The following TENM4 variants were observed in gnomAD, a reference collection of about 807,000 sequenced individuals.
TENM4 encodes the protein teneurin-4.
In TENM4, 82 loss-of-function variants were observed where a neutral mutation model predicts 243.3. The observed-to-expected ratio is 0.34, with a 90% CI of 0.28 to 0.40. TENM4 has a LOEUF of 0.40. Ranked by LOEUF, TENM4 falls within the 10% of genes least tolerant of loss-of-function variation. The probability of loss-of-function intolerance (pLI) is 1.00; values close to 1 mark genes in which losing one functional copy is unlikely to be tolerated. For synonymous variants in TENM4, 1,412 were observed against 1,456.3 expected, an observed-to-expected ratio of 0.97 and a Z score of 0.69; for missense variants, 3,138 against 3,673.3, an observed-to-expected ratio of 0.85 and a Z score of 3.77.
At position 78,701,858 on chromosome 11, in the gene TENM4, C is replaced by T. The variant is rs1590950368; in HGVS notation, c.4755G>A (p.Glu1585=). The change falls in exon 28 of 34, where the codon GAG becomes GAA. Residue 1585 remains glutamate (E), a synonymous_variant. Coordinates refer to ENST00000278550, the MANE Select transcript of TENM4 (RefSeq NM_001098816.3). ...TGCCGGTGGTATCAAACAGATAGAG[C>T]TCCTGGTCAATTGGTGAAGACAGCT... ...MYELSSPIDQ[E]LYLFDTTGKH... 2 of 1,613,970 alleles carry T rather than the reference C, an allele frequency of 1.2e-6. No homozygotes were observed. Among genetic ancestry groups the T allele is most frequent in the Non-Finnish European group, 1.7e-6 (2 of 1,179,902 alleles).
chr11:79,272,166 A>T (rs1391792900), intron 2 of TENM4, among the ~76,000 whole-genome samples: 1 of 152,174 alleles, frequency 6.6e-6, no homozygotes, highest in Non-Finnish European at 1.5e-5. Flanking sequence ...CCAGTCCTGG[A>T]TTCCACTCTA....
At chr11:79,437,594 C>G (rs1022313073) in intron 1 of TENM4, among the ~76,000 whole-genome samples, 1 of 152,218 alleles carries the variant, frequency 6.6e-6, no homozygotes, top group Admixed American at 6.5e-5. Context: ...CCCGCGGACT[C>G]CGGCGGAGAG....
At chr11:78,879,827 G>A (rs1355080240) in intron 9 of TENM4, among the ~76,000 whole-genome samples, 2 of 151,962 alleles carry the variant, frequency 1.3e-5, no homozygotes, top group Non-Finnish European at 2.9e-5. Context: ...TCTGGGAGGT[G>A]AGGAGCACCT....
At chr11:79,121,734 A>G (rs1591298119) in intron 4 of TENM4, among the ~76,000 whole-genome samples, 1 of 152,320 alleles carries the variant, frequency 6.6e-6, no homozygotes, top group South Asian at 2.1e-4. Context: ...GCTGGAGGAC[A>G]GGTCTTAGGG....
intron 19 of TENM4, among the ~76,000 whole-genome samples, chr11:78,751,673 C>A (rs1856194370): frequency 6.6e-6 from 1 of 152,178 alleles, no homozygotes; most frequent in Non-Finnish European, 1.5e-5. Flanking sequence ...GGATATCTGA[C>A]CCACATCCAG....
intron 2 of TENM4, among the ~76,000 whole-genome samples, chr11:79,248,193 G>A (rs917144276): frequency 6.6e-6 from 1 of 152,212 alleles, no homozygotes; most frequent in African/African-American, 2.4e-5. Context: ...AGAAGTAGGT[G>A]AGATACCTGC....
chr11:79,138,004 G>C (rs1192092133), intron 4 of TENM4, among the ~76,000 whole-genome samples: 1 of 151,776 alleles, frequency 6.6e-6, no homozygotes, highest in Non-Finnish European at 1.5e-5. Context: ...TGAGGGTGTT[G>C]CCAAAGGAGG....
intron 1 of TENM4, among the ~76,000 whole-genome samples, chr11:79,396,246 T>C (rs889131800): frequency 1.3e-5 from 2 of 152,216 alleles, no homozygotes; most frequent in African/African-American, 4.8e-5. Flanking sequence ...CCCCACTGTA[T>C]GGTCCAATTA....
intron 1 of TENM4, among the ~76,000 whole-genome samples, chr11:79,394,190 G>T (rs996281998): frequency 7.2e-5 from 11 of 152,234 alleles, no homozygotes; most frequent in Non-Finnish European, 1.0e-4. Flanking sequence ...ACCCTTGAAG[G>T]TTCTCTCCAG....
At chr11:79,224,548 G>C (rs1202572394) in intron 2 of TENM4, among the ~76,000 whole-genome samples, 1 of 152,182 alleles carries the variant, frequency 6.6e-6, no homozygotes, top group Non-Finnish European at 1.5e-5. Context: ...CAAACCCCCA[G>C]TACTGCAGAG....
intron 4 of TENM4, among the ~76,000 whole-genome samples, chr11:79,115,482 T>A (rs1861599763): frequency 6.6e-6 from 1 of 152,104 alleles, no homozygotes; most frequent in Non-Finnish European, 1.5e-5. Context: ...TACAATAAAG[T>A]CAGTTTGTTC....
chr11:79,415,739 T>C (rs2135580112), intron 1 of TENM4, among the ~76,000 whole-genome samples: 1 of 152,346 alleles, frequency 6.6e-6, no homozygotes, highest in African/African-American at 2.4e-5. Flanking sequence ...TTTATTGAGC[T>C]ATATTTGATA....
intron 1 of TENM4, among the ~76,000 whole-genome samples, chr11:79,361,104 T>C (rs1432567785): frequency 6.6e-6 from 1 of 152,156 alleles, no homozygotes; most frequent in Non-Finnish European, 1.5e-5. Flanking sequence ...TTTAAGAGGA[T>C]TATGCTAGAC....
At chr11:79,055,647 A>G (rs957029428) in intron 6 of TENM4, among the ~76,000 whole-genome samples, 1 of 152,172 alleles carries the variant, frequency 6.6e-6, no homozygotes, top group African/African-American at 2.4e-5. Flanking sequence ...ATGCATGATC[A>G]CCTTCCATCC....
chr11:79,348,078 C>T (rs1857358127), intron 1 of TENM4, among the ~76,000 whole-genome samples: 1 of 152,178 alleles, frequency 6.6e-6, no homozygotes, highest in Non-Finnish European at 1.5e-5. Flanking sequence ...CGCGCCCGGC[C>T]CCTCTCACTT....
intron 7 of TENM4, among the ~76,000 whole-genome samples, chr11:78,902,055 G>A (rs1855939644): frequency 6.6e-6 from 1 of 152,138 alleles, no homozygotes. Context: ...GATGACCTTT[G>A]TTCTCTTCAC....
chr11:78,791,864 T>C (rs1252974243), intron 15 of TENM4, among the ~76,000 whole-genome samples: 2 of 152,216 alleles, frequency 1.3e-5, no homozygotes, highest in African/African-American at 4.8e-5. Flanking sequence ...GCTAGTTGGC[T>C]TTCACATGAC....
At chr11:79,357,289 A>G (rs1053049963) in intron 1 of TENM4, among the ~76,000 whole-genome samples, 1 of 152,224 alleles carries the variant, frequency 6.6e-6, no homozygotes, top group African/African-American at 2.4e-5. Flanking sequence ...TTGTCCCCAA[A>G]GATGCCTGTG....
At chr11:79,294,116 T>A (rs1856405680) in intron 2 of TENM4, among the ~76,000 whole-genome samples, 1 of 152,158 alleles carries the variant, frequency 6.6e-6, no homozygotes, top group South Asian at 2.1e-4. Context: ...AATGAAATAA[T>A]CAAATACAAA....
Sources: gnomAD v4.1 joint callset for allele counts (sites outside exome capture counted in the v4.1 genomes callset) on GRCh38, gnomAD v4.1.1 for gene constraint, MANE v1.5 for transcripts, NCBI Gene and HGNC (gene_info 2026-07-23, HGNC 2026-07-21) for gene names.